PLEKHA3: variants seen among roughly 807,000 people sequenced by gnomAD.
PLEKHA3 encodes the protein pleckstrin homology domain-containing family A member 3.
In PLEKHA3, 19 loss-of-function variants were observed where a neutral mutation model predicts 39.2. The ratio of observed to expected loss-of-function variants is 0.48; its 90% CI spans 0.34 to 0.71. PLEKHA3 has a LOEUF of 0.71. Ranked by LOEUF, PLEKHA3 falls within the 30% of genes least tolerant of loss-of-function variation. PLEKHA3 has a pLI of 0.01. For missense variants in PLEKHA3, 253 were observed against 359.5 expected (o/e 0.70, Z 2.40); for synonymous variants, 97 against 118.6 (o/e 0.82, Z 1.18).
intron 1 of PLEKHA3, among the ~76,000 whole-genome samples, chr2:178,482,456 T>C (rs2154127479): frequency 6.6e-6 from 1 of 151,922 alleles, no homozygotes; most frequent in East Asian, 1.9e-4. Flanking sequence ...AAAGGATTGC[T>C]TTAGCTAGAG....
At chr2:178,482,812 G>A (rs1331560759) in intron 1 of PLEKHA3, among the ~76,000 whole-genome samples, 1 of 152,134 alleles carries the variant, frequency 6.6e-6, no homozygotes. Flanking sequence ...CTTCTAGTAT[G>A]CATTGTAGAA....
rs1347209721 is a variant in PLEKHA3 at position 178,501,014 on chromosome 2, TG to T, written c.660-46del. ...TTAAAATTCCAGTTGAGTGTGTTTT[TG>T]TTTATGTAAGGCCTTACAATTTAAT... On this transcript the variant is annotated intron_variant, in intron 6 of 7. Transcript: ENST00000234453. 16 of 1,203,994 alleles carry T rather than the reference TG, an allele frequency of 1.3e-5. 1 individual carries two copies. In the South Asian group the frequency reaches 1.4e-4, roughly 11 times the overall value. 74.6% of individuals were successfully genotyped at this position (1,203,994 alleles called of 1,614,324 possible).
rs1038597632 is a variant in PLEKHA3, at chr2:178,507,104, T to A, written c.*3217T>A. The A allele has an allele frequency of 6.6e-6, 1 of 152,216 alleles. No individual in the cohort carries two copies. The highest frequency in any genetic ancestry group is 1.5e-5 in the Non-Finnish European group (1 of 68,034). The allele number at this position is 152,216 out of a possible 1,614,324, so 9.4% of individuals were successfully genotyped here. A position where few individuals can be genotyped will look rare whatever the true frequency, so the allele number is the denominator to read the frequency against. ...AAAGACAAACACTTGGAACTCTTAG[T>A]GGTTTGTGTTAGTATTTACCTTCCT... On this transcript the variant is annotated 3_prime_UTR_variant, in exon 8 of 8. Transcript: ENST00000234453.
chr2:178,482,772 G>T (rs1196696161), intron 1 of PLEKHA3, among the ~76,000 whole-genome samples: 2 of 152,106 alleles, frequency 1.3e-5, no homozygotes, highest in Non-Finnish European at 2.9e-5. Context: ...ATGTGATTTA[G>T]ATTTTAGTCT....
At chr2:178,491,901 G>A (rs558577300) in intron 3 of PLEKHA3, among the ~76,000 whole-genome samples, 2 of 152,154 alleles carry the variant, frequency 1.3e-5, no homozygotes, top group East Asian at 1.9e-4. Flanking sequence ...AAACCCAAGA[G>A]GCAGCCTCGA....
intron 1 of PLEKHA3, 44 bp downstream of exon 1, chr2:178,480,953 G>A (rs557446689): frequency 9.2e-6 from 12 of 1,297,388 alleles, no homozygotes; most frequent in Middle Eastern, 2.1e-4. Context: ...GAGGCGGGGG[G>A]CTGCTGAGAA....
In PLEKHA3 at chr2:178,501,092, A is replaced by G. The variant is rs1685522807; in HGVS notation, c.691A>G (p.Thr231Ala). ...CCACTCTATAAAAGAACCAGTATCT[A>G]CACTTCACCGACTCTCCCAGCGACG... The part of the protein sequence containing the change: ...SSHSIKEPVS[T>A]LHRLSQRRRR... Residue 231 changes from threonine (T) to alanine (A), a missense_variant, in exon 7 of 8, where the codon ACA (threonine) becomes GCA (alanine). Thr to Ala is a moderately conservative substitution (Grantham distance 58). Around this residue, in one of 2 missense-constraint regions of PLEKHA3, gnomAD observed 127 missense variants for 136.8 expected, o/e 0.93. Coordinates refer to ENST00000234453, the MANE Select transcript of PLEKHA3 (RefSeq NM_019091.4). 12 of 1,613,346 alleles carry G rather than the reference A, an allele frequency of 7.4e-6. No homozygotes were observed. The highest frequency in any genetic ancestry group is 1.0e-5 in the Non-Finnish European group (12 of 1,179,430).
chr2:178,494,925 T>C lies in PLEKHA3; in HGVS notation c.451-571T>C, dbSNP rs557966000. Among the ~76,000 whole-genome samples, 195 of 151,802 alleles carry C rather than the reference T, an allele frequency of 1.3e-3. 1 individual carries two copies. The highest frequency in any genetic ancestry group is 4.6e-3 in the African/African-American group (190 of 41,410). On this transcript the variant is annotated intron_variant, in intron 4 of 7. Transcript: ENST00000234453. ...TCTCATCTTTTTTTTTTTTTTTTTT[T>C]TCCGGCTCAAAGGAAACTAGGAAAA... is the stretch of plus-strand genomic sequence containing the variant.
At chr2:178,490,183 G>T (rs1685321904) in intron 2 of PLEKHA3, among the ~76,000 whole-genome samples, 1 of 152,184 alleles carries the variant, frequency 6.6e-6, no homozygotes. Flanking sequence ...GTTATGCTAT[G>T]ATCCATAATT....
rs1461126536 is a variant in PLEKHA3, at chr2:178,510,077, A to G, written c.*6190A>G. On this transcript the variant is annotated 3_prime_UTR_variant, in exon 8 of 8. Coordinates refer to ENST00000234453, the MANE Select transcript of PLEKHA3 (RefSeq NM_019091.4). ...TTTAATAGAGATGGGGTTTCATCAT[A>G]TTAGTCAGGCTGGTCTTGAACTCCT... 4 of 152,122 alleles carry G rather than the reference A, an allele frequency of 2.6e-5. No homozygotes were observed. The highest frequency in any genetic ancestry group is 1.5e-5 in the Non-Finnish European group (1 of 68,050). 9.4% of individuals were successfully genotyped at this position (152,122 alleles called of 1,614,324 possible).
intron 3 of PLEKHA3, 98 bp from the exon 4 acceptor site, chr2:178,493,755 T>C: frequency 1.9e-6 from 2 of 1,043,126 alleles, no homozygotes; most frequent in Non-Finnish European, 2.8e-6. Context: ...GAGCTATAGG[T>C]ATTTATATTC....
At position 178,505,760 on chromosome 2, in the gene PLEKHA3, C is replaced by T. The variant is rs1186138607; in HGVS notation, c.*1873C>T. ...ATTGCTTTACCCAAATAGATGGGTTCGTGAAGAGTTTTCTGTGAATATTTT... is the reference window on the plus strand; with the variant it reads ...ATTGCTTTACCCAAATAGATGGGTTTGTGAAGAGTTTTCTGTGAATATTTT... On this transcript the variant is annotated 3_prime_UTR_variant, in exon 8 of 8. Transcript: ENST00000234453. The T allele has an allele frequency of 6.6e-6, 1 of 151,672 alleles. No individual in the cohort carries two copies. Among genetic ancestry groups the T allele is most frequent in the Non-Finnish European group, 1.5e-5 (1 of 67,860 alleles). 9.4% of individuals were successfully genotyped at this position (151,672 alleles called of 1,614,324 possible).
intron 5 of PLEKHA3, among the ~76,000 whole-genome samples, chr2:178,495,921 C>T (rs1685436376): frequency 6.6e-6 from 1 of 152,098 alleles, no homozygotes; most frequent in Admixed American, 6.6e-5. Flanking sequence ...CCATTTTCCC[C>T]AGTGTCTAGG....
chr2:178,485,186 G>A (rs1575141837), intron 1 of PLEKHA3, among the ~76,000 whole-genome samples: 1 of 152,334 alleles, frequency 6.6e-6, no homozygotes, highest in East Asian at 1.9e-4. Context: ...GAGATTTATT[G>A]AAATGAAAAG....
intron 6 of PLEKHA3, among the ~76,000 whole-genome samples, chr2:178,499,667 C>T (rs1283853961): frequency 1.3e-5 from 2 of 152,102 alleles, no homozygotes; most frequent in Non-Finnish European, 2.9e-5. Flanking sequence ...GTTACAGTCA[C>T]CCACAACATT....
chr2:178,483,412 AGT>A (rs1402504607), intron 1 of PLEKHA3, among the ~76,000 whole-genome samples: 1 of 152,200 alleles, frequency 6.6e-6, no homozygotes, highest in Non-Finnish European at 1.5e-5. Flanking sequence ...CTGTTATATA[AGT>A]GTGTGAACCA....
rs1575151462 is a variant in PLEKHA3 at position 178,515,984 on chromosome 2, A to G, written c.*12097A>G. The G allele has an allele frequency of 6.6e-6, 1 of 151,752 alleles. No individual in the cohort carries two copies. Among genetic ancestry groups the G allele is most frequent in the South Asian group, 2.1e-4 (1 of 4,816 alleles). The allele number at this position is 151,752 out of a possible 1,614,324, so 9.4% of individuals were successfully genotyped here. ...ATATTGTTAGAAACATAAGCACATG[A>G]ATTTTTTTGGCCTTTTAAATGTCTT... On this transcript the variant is annotated 3_prime_UTR_variant, in exon 8 of 8. Coordinates refer to ENST00000234453, the MANE Select transcript of PLEKHA3 (RefSeq NM_019091.4).
At chr2:178,493,254 A>G (rs1019314954) in intron 3 of PLEKHA3, among the ~76,000 whole-genome samples, 6 of 152,262 alleles carry the variant, frequency 3.9e-5, no homozygotes, top group Non-Finnish European at 7.3e-5. Flanking sequence ...AATTTTGAAA[A>G]TAGTATAATG....
rs1194884868 is a variant in PLEKHA3 at position 178,508,782 on chromosome 2, C to CA, written c.*4896dup. The CA allele has an allele frequency of 1.9e-5, 3 of 153,856 alleles. No individual in the cohort carries two copies. Among genetic ancestry groups the CA allele is most frequent in the Non-Finnish European group, 4.4e-5 (3 of 68,130 alleles). The allele number at this position is 153,856 out of a possible 1,614,324, so 9.5% of individuals were successfully genotyped here. ...ATCCTCTCTCATGCCCATCCGGCCC[C>CA]ACCCCCCAAATCCTCCTCTGGCTGC... On this transcript the variant is annotated 3_prime_UTR_variant, in exon 8 of 8. Transcript: ENST00000234453.
Sources: gnomAD v4.1 joint callset for allele counts (sites outside exome capture counted in the v4.1 genomes callset) on GRCh38, gnomAD v4.1.1 for gene constraint, gnomAD v4.1.1 regional missense constraint, MANE v1.5 for transcripts, NCBI Gene and HGNC (gene_info 2026-07-23, HGNC 2026-07-21) for gene names.